The following RNPC3 variants were observed in gnomAD, a reference collection of about 807,000 sequenced individuals.
The protein encoded by RNPC3 is RNA binding region (RNP1, RRM) containing 3.
A neutral mutation model predicts 67.5 loss-of-function variants in RNPC3; 48 were observed. That is an observed-to-expected ratio of 0.71 (90% confidence interval 0.56 to 0.90). The LOEUF is 0.90. RNPC3 is among the 40% of genes least tolerant of loss of function. The probability of loss-of-function intolerance (pLI) is 0.00; values close to 1 mark genes in which losing one functional copy is unlikely to be tolerated. For missense variants in RNPC3, 637 were observed against 626.1 expected, an observed-to-expected ratio of 1.02 and a Z score of -0.19; for synonymous variants, 239 against 210.3, an observed-to-expected ratio of 1.14 and a Z score of -1.18.
intron 14 of RNPC3, chr1:103,554,116 G>A (rs955140597): frequency 6.6e-6 from 1 of 152,330 alleles, no homozygotes; most frequent in African/African-American, 2.4e-5. Context: ...CACTTTGCAA[G>A]TCCGAGATGG....
Position 103,527,679 on chromosome 1 carries a change from C to T in RNPC3, c.193-16C>T. 2.6e-6 allele frequency: 4 copies of T among 1,540,062 alleles called. No homozygotes were observed. The highest frequency in any genetic ancestry group is 2.0e-5 in the Admixed American group (1 of 50,660). Reference sequence around the variant, plus strand: ...AAATTATATTGGAAGTAATTTGTACCTTAACTCTGTTTCAGAAACATACAG... The same window carrying T: ...AAATTATATTGGAAGTAATTTGTACTTTAACTCTGTTTCAGAAACATACAG... On this transcript the variant is annotated splice_polypyrimidine_tract_variant and intron_variant, in intron 1 of 14. Coordinates refer to ENST00000423855, the MANE Select transcript of RNPC3 (RefSeq NM_017619.4).
intron 4 of RNPC3, 132 bp from the exon 5 acceptor site, chr1:103,535,198 T>G (rs2101044918): frequency 1.7e-6 from 1 of 585,728 alleles, no homozygotes; most frequent in East Asian, 3.0e-5. Context: ...GTACTTTGGA[T>G]CTTTTAGGAA....
At chr1:103,542,501 TG>T (rs1651145224) in intron 8 of RNPC3, among the ~76,000 whole-genome samples, 1 of 152,004 alleles carries the variant, frequency 6.6e-6, no homozygotes, top group African/African-American at 2.4e-5. Context: ...GAATTCCTTT[TG>T]CACTACTTTA....
At chr1:103,544,875 T>TG in intron 9 of RNPC3, 66 bp from the exon 10 acceptor site, 1 of 992,166 alleles carries the variant, frequency 1.0e-6, no homozygotes, top group Non-Finnish European at 1.4e-6. Flanking sequence ...AAATAGGAGG[T>TG]GGGGACCCAA....
intron 12 of RNPC3, among the ~76,000 whole-genome samples, chr1:103,548,184 C>A (rs1398712978): frequency 1.3e-5 from 2 of 152,092 alleles, no homozygotes; most frequent in Non-Finnish European, 2.9e-5. Flanking sequence ...GAGACATATT[C>A]CTCATTTTCT....
At chr1:103,537,881 T>C (rs1651031217) in intron 7 of RNPC3, among the ~76,000 whole-genome samples, 2 of 152,114 alleles carry the variant, frequency 1.3e-5, no homozygotes, top group Non-Finnish European at 2.9e-5. Flanking sequence ...TTCGCTCTTA[T>C]TGCCCAGGCT....
intron 11 of RNPC3, 65 bp from the exon 12 acceptor site, chr1:103,546,908 GTATT>G (rs993816132): frequency 1.4e-5 from 11 of 779,104 alleles, no homozygotes; most frequent in Admixed American, 5.1e-5. Flanking sequence ...ATGCATTGAT[GTATT>G]TATTTATTTA....
rs1277419529 is a variant in RNPC3 at position 103,536,153 on chromosome 1, T to A, written c.583T>A (p.Leu195Met). Residue 195 changes from leucine to methionine, a missense_variant, in exon 6 of 15, where the codon TTG (leucine) becomes ATG (methionine). Physicochemically the swap from Leu to Met is conservative, Grantham distance 15. This residue lies in a region of RNPC3 where 536 missense variants were observed against 500.3 expected (regional missense o/e 1.07). Transcript: ENST00000423855. ...CCTTCATCTTATGAATAAAATGAAT[T>A]TGCCCACACCTTTTGGACCAATTAC... ...QVLHLMNKMN[L>M]PTPFGPITAR... 1 of 1,536,230 alleles carries A rather than the reference T, an allele frequency of 6.5e-7. No homozygotes were observed. Among genetic ancestry groups the A allele is most frequent in the South Asian group, 1.2e-5 (1 of 84,022 alleles).
At chr1:103,532,519 A>G (rs1174196972) in intron 2 of RNPC3, among the ~76,000 whole-genome samples, 4 of 152,064 alleles carry the variant, frequency 2.6e-5, no homozygotes, top group African/African-American at 9.7e-5. Flanking sequence ...TAAATTAGTG[A>G]ATCATTAGCA....
chr1:103,538,541 TAAACACATATC>T, intron 7 of RNPC3, among the ~76,000 whole-genome samples: 2 of 152,312 alleles, frequency 1.3e-5, no homozygotes, highest in East Asian at 3.9e-4. Context: ...TTCTTAGACA[TAAACACATATC>T]AAACAAGGTA....
chr1:103,537,628 A>T (rs890311325), intron 7 of RNPC3, 144 bp downstream of exon 7: 1 of 594,560 alleles, frequency 1.7e-6, no homozygotes, highest in Non-Finnish European at 2.8e-6. Context: ...CACCTCAGGC[A>T]TATATAGCAG....
chr1:103,536,886 T>C (rs1307708403), intron 6 of RNPC3, among the ~76,000 whole-genome samples: 1 of 152,200 alleles, frequency 6.6e-6, no homozygotes, highest in Non-Finnish European at 1.5e-5. Flanking sequence ...AGTCATTTAA[T>C]ACAATAAAAG....
Position 103,551,917 on chromosome 1 carries a change from G to A in RNPC3, c.*12+125G>A. On this transcript the variant is annotated intron_variant, in intron 14 of 14. Transcript: ENST00000423855. ...TTTTTTTTTGAGGAAATACCTATCT[G>A]TGCAGTTAAGTCCCATTAAACGTCA... 7.5e-6 allele frequency: 4 copies of A among 535,002 alleles called. 1 individual carries two copies. In the South Asian group the frequency reaches 1.1e-4, roughly 15 times the overall value. The allele number at this position is 535,002 out of a possible 1,614,324, so 33.1% of individuals were successfully genotyped here.
rs1219890446 is a variant in RNPC3, at chr1:103,546,274, A to C, written c.1234A>C (p.Ser412Arg). The C allele has an allele frequency of 3.5e-6, 5 of 1,449,210 alleles. No homozygotes were observed. Among genetic ancestry groups the C allele is most frequent in the Non-Finnish European group, 4.5e-6 (5 of 1,105,250 alleles). 89.8% of individuals were successfully genotyped at this position (1,449,210 alleles called of 1,614,324 possible). ...EEMETLSVFR[S>R]YEPGEPNCRI... ...AATGGAAACACTTTCAGTTTTCAGA[A>C]GTTATGAACCGGGTGAACCAAACTG... The change falls in exon 11 of 15, where the codon AGT becomes CGT. Residue 412 changes from serine to arginine, a missense_variant. Around this residue, in one of 3 missense-constraint regions of RNPC3, gnomAD observed 536 missense variants for 500.3 expected, o/e 1.07. Transcript: ENST00000423855.
chr1:103,536,982 T>G (rs1651001945), intron 6 of RNPC3, among the ~76,000 whole-genome samples: 1 of 152,214 alleles, frequency 6.6e-6, no homozygotes, highest in Non-Finnish European at 1.5e-5. Context: ...CCTGAATTGT[T>G]TCGACCATGT....
At chr1:103,553,936 G>T (rs1353760040) in intron 14 of RNPC3, 1 of 152,192 alleles carries the variant, frequency 6.6e-6, no homozygotes, top group Non-Finnish European at 1.5e-5. Flanking sequence ...TAAGGGTAGT[G>T]CATTAAGGAA....
chr1:103,551,642 A>ACTCCCACCATT, intron 13 of RNPC3, 79 bp from the exon 14 acceptor site: 1 of 847,780 alleles, frequency 1.2e-6, no homozygotes. Flanking sequence ...CTCCCACCAT[A>ACTCCCACCATT]CACTAGAAAG....
At chr1:103,530,041 C>A (rs1223844981) in intron 2 of RNPC3, among the ~76,000 whole-genome samples, 1 of 151,384 alleles carries the variant, frequency 6.6e-6, no homozygotes, top group Non-Finnish European at 1.5e-5. Context: ...AGTTTCATCT[C>A]GAAACCATCT....
chr1:103,525,949 A>G lies in RNPC3; in HGVS notation c.-122A>G. On this transcript the variant is annotated 5_prime_UTR_variant, in exon 1 of 15. Transcript: ENST00000423855. ...CGAGAAGGTGACTTTCTTTCTCGGT[A>G]TTTCCTGGTTTCCAGAATCCTTAGC... The G allele has an allele frequency of 1.3e-6, 1 of 779,938 alleles. No homozygotes were observed. Among genetic ancestry groups the G allele is most frequent in the Non-Finnish European group, 2.0e-6 (1 of 506,312 alleles). 48.3% of individuals were successfully genotyped at this position (779,938 alleles called of 1,614,324 possible). A position where few individuals can be genotyped will look rare whatever the true frequency, so the allele number is the denominator to read the frequency against.
Sources: gnomAD v4.1 joint callset for allele counts (sites outside exome capture counted in the v4.1 genomes callset) on GRCh38, gnomAD v4.1.1 for gene constraint, gnomAD v4.1.1 regional missense constraint, MANE v1.5 for transcripts, NCBI Gene and HGNC (gene_info 2026-07-23, HGNC 2026-07-21) for gene names.